The following SLC35E4 variants were observed in gnomAD, a reference collection of about 807,000 sequenced individuals.
SLC35E4 encodes the protein solute carrier family 35, member E4.
In SLC35E4, 15 loss-of-function variants were observed where a neutral mutation model predicts 19.3. That is an observed-to-expected ratio of 0.78 (90% CI 0.52 to 1.20). The LOEUF (loss-of-function observed/expected upper bound fraction) is 1.20, where lower values mean the gene tolerates loss of function less well. Ranked by LOEUF, SLC35E4 falls within the 50% of genes most tolerant of loss-of-function variation. The probability of loss-of-function intolerance (pLI) is 0.00; values close to 1 mark genes in which losing one functional copy is unlikely to be tolerated. For synonymous variants in SLC35E4, 219 were observed against 219.9 expected, an observed-to-expected ratio of 1.00 and a Z score of 0.04; for missense variants, 406 against 472.3, an observed-to-expected ratio of 0.86 and a Z score of 1.30.
At chr22:30,644,127 G>A (rs1301318911) in intron 1 of SLC35E4, among the ~76,000 whole-genome samples, 1 of 152,222 alleles carries the variant, frequency 6.6e-6, no homozygotes, top group African/African-American at 2.4e-5. Context: ...GCAAGCCACA[G>A]GTAGCTCATA....
chr22:30,647,014 C>A lies in SLC35E4; in HGVS notation c.1036C>A (p.Pro346Thr), dbSNP rs148051825. 2.5e-6 allele frequency: 4 copies of A among 1,605,282 alleles called. No homozygotes were observed. In the African/African-American group the frequency reaches 5.3e-5, roughly 21 times the overall value. Residue 346 changes from proline to threonine, a missense_variant, in exon 2 of 2, where the codon CCC (proline) becomes ACC (threonine). Coordinates refer to ENST00000343605, the MANE Select transcript of SLC35E4 (RefSeq NM_001001479.4). ...TCGGGGGCTGTGGCGGAGGGACCAG[C>A]CCAGCAAGGGTCTTTGAGACCTGGG... ...ARRGLWRRDQPSKGL is the reference protein window; with the variant it reads ...ARRGLWRRDQTSKGL
At chr22:30,653,445 CA>C (rs2088266591) in intron 2 of SLC35E4, among the ~76,000 whole-genome samples, 3 of 151,244 alleles carry the variant, frequency 2.0e-5, no homozygotes, top group Non-Finnish European at 4.4e-5. Context: ...GATCTCGGCT[CA>C]CTGCAACCTC....
chr22:30,643,585 G>A lies in SLC35E4; in HGVS notation c.620-3013G>A, dbSNP rs2088081375. On this transcript the variant is annotated intron_variant, in intron 1 of 1. Transcript: ENST00000343605. ...GTGTCAGCCAGCAGGAGCAGGGTGT[G>A]GGGATCATGCCAGCTGCCGGGGTGA... Among the ~76,000 whole-genome samples, 4 of 152,132 alleles carry A rather than the reference G, an allele frequency of 2.6e-5. No homozygotes were observed. In the South Asian group the frequency reaches 8.3e-4, roughly 31 times the overall value.
intron 1 of SLC35E4, among the ~76,000 whole-genome samples, chr22:30,641,572 ATC>A (rs1203295053): frequency 1.3e-5 from 2 of 150,846 alleles, no homozygotes; most frequent in Admixed American, 6.6e-5. Flanking sequence ...TTTTGAGACA[ATC>A]TCTCTCTGTC....
intron 2 of SLC35E4, among the ~76,000 whole-genome samples, chr22:30,656,219 CT>C (rs1241804674): frequency 6.6e-6 from 1 of 151,986 alleles, no homozygotes; most frequent in Non-Finnish European, 1.5e-5. Context: ...TCAAGTGATC[CT>C]CCTGCCTCAG....
chr22:30,664,086 G>A, downstream of SLC35E4: 2 of 1,340,888 alleles, frequency 1.5e-6, no homozygotes, highest in East Asian at 2.5e-5. Context: ...GAAAACTGCA[G>A]AGAGGGAGAG....
At chr22:30,659,007 C>T (rs1294712890) in intron 2 of SLC35E4, among the ~76,000 whole-genome samples, 1 of 151,726 alleles carries the variant, frequency 6.6e-6, no homozygotes, top group East Asian at 1.9e-4. Context: ...CCCTGTAGTC[C>T]CAGCTATTCG....
chr22:30,644,331 T>C (rs552262136), intron 1 of SLC35E4, among the ~76,000 whole-genome samples: 3 of 152,226 alleles, frequency 2.0e-5, no homozygotes, highest in African/African-American at 4.8e-5. Context: ...TTTTGGAAAG[T>C]GTGTGTCAGA....
intron 1 of SLC35E4, among the ~76,000 whole-genome samples, chr22:30,640,784 G>A (rs1211843633): frequency 6.6e-6 from 1 of 152,152 alleles, no homozygotes; most frequent in East Asian, 1.9e-4. Context: ...GAGGAGAGTT[G>A]GAGTTGATGG....
At chr22:30,644,723 A>G (rs1298173011) in intron 1 of SLC35E4, among the ~76,000 whole-genome samples, 1 of 152,142 alleles carries the variant, frequency 6.6e-6, no homozygotes, top group Admixed American at 6.6e-5. Context: ...CAAGAGAACC[A>G]GACCCTGTCT....
intron 1 of SLC35E4, among the ~76,000 whole-genome samples, chr22:30,640,955 C>T (rs1455585557): frequency 6.6e-6 from 1 of 152,208 alleles, no homozygotes; most frequent in East Asian, 1.9e-4. Flanking sequence ...GTATTCAGAG[C>T]TGACACAGAG....
chr22:30,636,368 A>G lies in SLC35E4; in HGVS notation c.-83A>G. The G allele has an allele frequency of 7.0e-7, 1 of 1,430,186 alleles. No homozygotes were observed. Among genetic ancestry groups the G allele is most frequent in the East Asian group, 2.5e-5 (1 of 39,766 alleles). The allele number at this position is 1,430,186 out of a possible 1,614,324, so 88.6% of individuals were successfully genotyped here. ...CACGGGGTCGGAGGAACCAGGATCT[A>G]GCCTGGCCCCAAGCGGAACTCTCTG... On this transcript the variant is annotated 5_prime_UTR_variant, in exon 1 of 2. Coordinates refer to ENST00000343605, the MANE Select transcript of SLC35E4 (RefSeq NM_001001479.4).
chr22:30,660,175 C>T (rs1362251595), intron 2 of SLC35E4, among the ~76,000 whole-genome samples: 3 of 152,188 alleles, frequency 2.0e-5, no homozygotes, highest in South Asian at 4.1e-4. Flanking sequence ...CTAGTCAAGT[C>T]CAATCAAGCT....
chr22:30,663,857 G>C, downstream of SLC35E4: 1 of 1,614,180 alleles, frequency 6.2e-7, no homozygotes, highest in Non-Finnish European at 8.5e-7. Flanking sequence ...AGACATTGAT[G>C]ACCATGGTGA....
downstream of SLC35E4, chr22:30,663,442 G>A (rs141740706): frequency 8.7e-6 from 14 of 1,608,138 alleles, no homozygotes; most frequent in Non-Finnish European, 1.2e-5. Context: ...ATGGCTCACA[G>A]TGGAATCATC....
At chr22:30,648,880 A>G (rs2088172226), downstream of SLC35E4, among the ~76,000 whole-genome samples, 1 of 151,274 alleles carries the variant, frequency 6.6e-6, no homozygotes, top group South Asian at 2.1e-4. Context: ...TTGACAAGGG[A>G]CTGTGCTCAG....
chr22:30,663,294 C>CA, exon 3 of SLC35E4: 1 of 793,518 alleles, frequency 1.3e-6, no homozygotes, highest in African/African-American at 1.7e-5. Context: ...TTAAAAGCTA[C>CA]AGCAACTCTT....
downstream of SLC35E4, chr22:30,649,198 C>T: frequency 1.4e-6 from 1 of 716,872 alleles, no homozygotes; most frequent in African/African-American, 1.7e-5. Context: ...ACTGATGATC[C>T]CTATGGAGAG....
At chr22:30,651,746 G>A (rs144883912), downstream of SLC35E4, among the ~76,000 whole-genome samples, 20 of 152,108 alleles carry the variant, frequency 1.3e-4, no homozygotes, top group East Asian at 3.9e-4. Context: ...AGTGGGTATC[G>A]GTTGTATTGA....
Sources: allele counts gnomAD v4.1 joint callset (sites outside exome capture counted in the v4.1 genomes callset), GRCh38; gene constraint gnomAD v4.1.1; transcripts MANE v1.5; gene names NCBI Gene and HGNC (gene_info 2026-07-23, HGNC 2026-07-21).